Variants in MCM3AP observed in about 807,000 individuals in gnomAD.
MCM3AP encodes the protein germinal-center associated nuclear protein.
Under a neutral mutation model 184.1 loss-of-function variants are expected in MCM3AP, and 126 were observed. The observed-to-expected ratio is 0.68, with a 90% CI of 0.59 to 0.79. The LOEUF (loss-of-function observed/expected upper bound fraction) is 0.79. Among genes scored for constraint, MCM3AP ranks in the 30% least tolerant of loss-of-function variants. The pLI, the probability that MCM3AP is intolerant of heterozygous loss-of-function variation, is 0.00. For missense variants in MCM3AP, 2,496 were observed against 2,479.2 expected (o/e 1.01, Z -0.14); for synonymous variants, 1,002 against 979.3 (o/e 1.02, Z -0.43).
intron 16 of MCM3AP, 95 bp downstream of exon 16, chr21:46,258,844 A>G: frequency 7.3e-7 from 1 of 1,362,188 alleles, no homozygotes. Context: ...TCCTTTTACC[A>G]CTGAATACAG....
Position 46,243,605 on chromosome 21 carries a change from C to T in MCM3AP, c.5156G>A (p.Cys1719Tyr), listed in dbSNP as rs962802837. 1 of 1,614,248 alleles carries T rather than the reference C, an allele frequency of 6.2e-7. No homozygotes were observed. The highest frequency in any genetic ancestry group is 2.2e-5 in the East Asian group (1 of 44,880). Residue 1719 changes from cysteine to tyrosine, a missense_variant, in exon 24 of 28, where the codon TGT becomes TAT. Physicochemically the swap from Cys to Tyr is radical, Grantham distance 194. Coordinates refer to ENST00000291688, the MANE Select transcript of MCM3AP (RefSeq NM_003906.5). ...GGAGGGACTCTTGCTCTTCCACCTA[C>T]AGTAGGTTCTGTGGAGCAGGTTCTC... is the stretch of plus-strand genomic sequence containing the variant. ...QVENLLHRTY[C>Y]RWKSKSPSPV... is the part of the protein sequence containing the mutation.
intron 8 of MCM3AP, among the ~76,000 whole-genome samples, chr21:46,271,032 A>G (rs915514072): frequency 6.6e-6 from 1 of 152,252 alleles, no homozygotes; most frequent in Non-Finnish European, 1.5e-5. Context: ...GCTGGATGGT[A>G]AAGTCTAAAA....
chr21:46,275,069 T>C, intron 6 of MCM3AP, 117 bp downstream of exon 6: 3 of 1,177,862 alleles, frequency 2.5e-6, no homozygotes, highest in Non-Finnish European at 3.4e-6. Context: ...AATATGATTG[T>C]TAATAGCACA....
In MCM3AP at chr21:46,265,825, G is replaced by A; in HGVS notation, c.3031+100C>T. On this transcript the variant is annotated intron_variant, in intron 11 of 27. Coordinates refer to ENST00000291688, the MANE Select transcript of MCM3AP (RefSeq NM_003906.5). ...ACAAGACAGGTGCTCAGGCTCCTGG[G>A]AGGCGTCCTGGCGAGAAAATGCAGA... The A allele has an allele frequency of 4.3e-6, 6 of 1,410,940 alleles. No homozygotes were observed. The South Asian group carries it at 9.1e-5, about 21-fold the overall frequency. 87.4% of individuals were successfully genotyped at this position (1,410,940 alleles called of 1,614,324 possible).
At chr21:46,270,300 G>A in intron 9 of MCM3AP, 101 bp downstream of exon 9, 2 of 1,179,270 alleles carry the variant, frequency 1.7e-6, no homozygotes, top group Non-Finnish European at 2.4e-6. Flanking sequence ...CACAGCATCA[G>A]CCTGAGACCT....
intron 17 of MCM3AP, among the ~76,000 whole-genome samples, chr21:46,256,317 G>A (rs138920537): frequency 4.9e-4 from 75 of 152,272 alleles, no homozygotes; most frequent in African/African-American, 1.7e-3. Flanking sequence ...GGCCTCAAGA[G>A]GGAAATAATG....
intron 15 of MCM3AP, chr21:46,259,319 G>A (rs1477696292): frequency 3.0e-6 from 1 of 332,920 alleles, no homozygotes; most frequent in East Asian, 6.9e-5. Flanking sequence ...AGCCTGGTGT[G>A]GTGGCGGGCG....
intron 17 of MCM3AP, among the ~76,000 whole-genome samples, chr21:46,256,319 G>A (rs1353768128): frequency 6.6e-6 from 1 of 152,180 alleles, no homozygotes; most frequent in Non-Finnish European, 1.5e-5. Context: ...CCTCAAGAGG[G>A]AAATAATGGA....
intron 19 of MCM3AP, chr21:46,251,910 G>A (rs1396331157): frequency 7.0e-6 from 2 of 286,990 alleles, no homozygotes; most frequent in Admixed American, 1.2e-4. Context: ...TTTTGAGCCA[G>A]GGTCTCGCTC....
rs1434014057 is a variant in MCM3AP, at chr21:46,256,916, A to G, written c.3805T>C (p.Cys1269Arg). Residue 1269 changes from cysteine to arginine, a missense_variant, in exon 17 of 28, where the codon TGC (cysteine) becomes CGC (arginine). This residue lies in a region of MCM3AP where 1,323 missense variants were observed against 1,273.4 expected (regional missense o/e 1.04). Transcript: ENST00000291688. ...CTCAGCCGGTCGCTCACGTCCACGC[A>G]GCAGGGCGCAGCAGGGAAAGCCCGC... Reference protein sequence around the residue: ...QMRAFPAAPCCVDVSDRLRAL... With the variant: ...QMRAFPAAPCRVDVSDRLRAL... 1 of 1,611,122 alleles carries G rather than the reference A, an allele frequency of 6.2e-7. No individual in the cohort carries two copies. The highest frequency in any genetic ancestry group is 8.5e-7 in the Non-Finnish European group (1 of 1,178,844).
intron 7 of MCM3AP, 69 bp from the exon 8 acceptor site, chr21:46,272,898 T>C (rs1414993100): frequency 2.1e-6 from 3 of 1,402,344 alleles, no homozygotes; most frequent in East Asian, 4.6e-5. Flanking sequence ...AGAAGGATCA[T>C]GCTACGACCT....
Position 46,251,701 on chromosome 21 carries a change from CAAAA to C in MCM3AP, c.4137-23_4137-20del, listed in dbSNP as rs752407385. On this transcript the variant is annotated intron_variant, in intron 19 of 27. Coordinates refer to ENST00000291688, the MANE Select transcript of MCM3AP (RefSeq NM_003906.5). ...TAGAATTCTACAGATTTAAAAAAAA[CAAAA>C]AACAAAAAAAACACTTGAAGAATCT... 9 of 1,460,584 alleles carry C rather than the reference CAAAA, an allele frequency of 6.2e-6. No individual in the cohort carries two copies. Among genetic ancestry groups the C allele is most frequent in the Middle Eastern group, 1.8e-4 (1 of 5,596 alleles). 90.5% of individuals were successfully genotyped at this position (1,460,584 alleles called of 1,614,324 possible).
chr21:46,259,232 G>T, intron 15 of MCM3AP, 141 bp from the exon 16 acceptor site: 1 of 698,692 alleles, frequency 1.4e-6, no homozygotes, highest in South Asian at 2.0e-5. Context: ...GAAGCGGGTG[G>T]ATCATGAGGT....
At chr21:46,262,934 C>G (rs1399582800) in intron 13 of MCM3AP, among the ~76,000 whole-genome samples, 1 of 134,170 alleles carries the variant, frequency 7.5e-6, no homozygotes, top group Non-Finnish European at 1.5e-5. Context: ...CGCCACTGCA[C>G]TCCAGCCTGG....
chr21:46,284,314 G>GT lies in MCM3AP; in HGVS notation c.972dup (p.Arg325ThrfsTer26). ...CGGGGTCGATTCAGGCGGACAGGTC[G>GT]TTTGTCTGGAGGATGATCGCCCCGG... On this transcript the variant is annotated frameshift_variant, in exon 1 of 28. Coordinates refer to ENST00000291688, the MANE Select transcript of MCM3AP (RefSeq NM_003906.5). LOFTEE classifies it high-confidence loss of function. The GT allele has an allele frequency of 6.2e-7, 1 of 1,614,232 alleles. No homozygotes were observed. The highest frequency in any genetic ancestry group is 8.5e-7 in the Non-Finnish European group (1 of 1,180,048).
chr21:46,279,148 C>T (rs117791166), intron 4 of MCM3AP, among the ~76,000 whole-genome samples: 1 of 151,788 alleles, frequency 6.6e-6, no homozygotes, highest in African/African-American at 2.4e-5. Context: ...ATTAGCTGGG[C>T]GTGGTGGAGC....
chr21:46,282,902 A>G (rs2145722294), intron 2 of MCM3AP, among the ~76,000 whole-genome samples: 1 of 152,266 alleles, frequency 6.6e-6, no homozygotes, highest in Middle Eastern at 3.4e-3. Flanking sequence ...TAGAGGACAG[A>G]CTGACAAGGG....
chr21:46,260,062 C>T (rs2081021707), intron 15 of MCM3AP, among the ~76,000 whole-genome samples: 1 of 151,716 alleles, frequency 6.6e-6, no homozygotes, highest in South Asian at 2.1e-4. Flanking sequence ...GGCGACAGAG[C>T]AAGACTCCGT....
At chr21:46,249,863 G>C (rs1289419690) in intron 20 of MCM3AP, 5 of 219,588 alleles carry the variant, frequency 2.3e-5, no homozygotes, top group African/African-American at 1.2e-4. Flanking sequence ...AGTAAAATAG[G>C]GATAATAAGT....
Sources: allele counts gnomAD v4.1 joint callset (sites outside exome capture counted in the v4.1 genomes callset), GRCh38; gene constraint gnomAD v4.1.1; regional missense constraint gnomAD v4.1.1; transcripts MANE v1.5; gene names NCBI Gene and HGNC (gene_info 2026-07-23, HGNC 2026-07-21).